SORCS3: variants seen among roughly 807,000 people sequenced by gnomAD.
SORCS3 encodes VPS10 domain-containing receptor SorCS3.
Under a neutral mutation model 146.3 loss-of-function variants are expected in SORCS3, and 57 were observed. The ratio of observed to expected loss-of-function variants is 0.39; its 90% CI spans 0.31 to 0.49. The LOEUF is 0.49. Ranked by LOEUF, SORCS3 falls within the 20% of genes least tolerant of loss-of-function variation. The pLI, the probability that SORCS3 is intolerant of heterozygous loss-of-function variation, is 0.92. For synonymous variants in SORCS3, 653 were observed against 618.5 expected (o/e 1.06, Z -0.83); for missense variants, 1,341 against 1,575.5 (o/e 0.85, Z 2.52).
At chr10:104,821,776 A>T (rs1291057847) in intron 1 of SORCS3, among the ~76,000 whole-genome samples, 1 of 152,200 alleles carries the variant, frequency 6.6e-6, no homozygotes, top group Non-Finnish European at 1.5e-5. Context: ...AGTTGGCACA[A>T]TAAGTACCCT....
intron 3 of SORCS3, among the ~76,000 whole-genome samples, chr10:104,942,602 T>C (rs754552688): frequency 6.6e-6 from 1 of 152,180 alleles, no homozygotes; most frequent in Non-Finnish European, 1.5e-5. Context: ...TACAACCAAA[T>C]TGGGTTTATT....
At chr10:104,871,543 G>T (rs1247887495) in intron 2 of SORCS3, among the ~76,000 whole-genome samples, 1 of 152,184 alleles carries the variant, frequency 6.6e-6, no homozygotes, top group Admixed American at 6.5e-5. Flanking sequence ...AATGAGAATT[G>T]GTGGCTGTAT....
intron 2 of SORCS3, among the ~76,000 whole-genome samples, chr10:104,849,856 T>C (rs769361949): frequency 3.3e-5 from 5 of 152,196 alleles, no homozygotes; most frequent in Non-Finnish European, 5.9e-5. Flanking sequence ...CCTAGGCACA[T>C]CATGCCTGGA....
intron 2 of SORCS3, among the ~76,000 whole-genome samples, chr10:104,900,214 T>C (rs1402150492): frequency 6.6e-6 from 1 of 152,226 alleles, no homozygotes; most frequent in East Asian, 1.9e-4. Context: ...ACAGAGATGC[T>C]GGCTCTGCTG....
intron 4 of SORCS3, among the ~76,000 whole-genome samples, chr10:105,008,104 T>C (rs7096572): frequency 0.23 from 35,354 of 151,740 alleles, 4,753 homozygotes; most frequent in African/African-American, 0.36. Flanking sequence ...GCTTGAGTAA[T>C]TCTGGGAAGC....
chr10:105,109,330 T>C (rs936591828), intron 7 of SORCS3, among the ~76,000 whole-genome samples: 13 of 152,172 alleles, frequency 8.5e-5, no homozygotes, highest in Admixed American at 6.5e-4. Flanking sequence ...TATGTGTTTA[T>C]GACCTCTTGT....
rs371026666 is a variant in SORCS3, at chr10:105,031,332, A to AACAC, written c.955-11695_955-11692dup. Among the ~76,000 whole-genome samples the AACAC allele has an allele frequency of 2.4e-3, 269 of 113,556 alleles. 1 individual carries two copies. In the South Asian group the frequency reaches 0.027, roughly 11 times the overall value. 74.5% of individuals were successfully genotyped at this position (113,556 alleles called of 152,430 possible). A position where few individuals can be genotyped will look rare whatever the true frequency, so the allele number is the denominator to read the frequency against. ...CAAACAAACAACACACACACACACA[A>AACAC]ACACACACACACACACACACACACA... On this transcript the variant is annotated intron_variant, in intron 4 of 26. Transcript: ENST00000369701.
At chr10:105,183,052 A>G (rs1177150412) in intron 14 of SORCS3, among the ~76,000 whole-genome samples, 2 of 152,146 alleles carry the variant, frequency 1.3e-5, no homozygotes, top group African/African-American at 4.8e-5. Flanking sequence ...GATGTGATTG[A>G]AGACAGAGTG....
At chr10:104,704,321 C>T (rs1323092088) in intron 1 of SORCS3, among the ~76,000 whole-genome samples, 1 of 152,126 alleles carries the variant, frequency 6.6e-6, no homozygotes, top group African/African-American at 2.4e-5. Context: ...GTGTGCACCA[C>T]CATGCCCAGC....
At position 105,105,416 on chromosome 10, in the gene SORCS3, C is replaced by T. The variant is rs370016006; in HGVS notation, c.1113C>T (p.Cys371=). 4.6e-5 allele frequency: 74 copies of T among 1,613,214 alleles called. No homozygotes were observed. Among genetic ancestry groups the T allele is most frequent in the Non-Finnish European group, 6.1e-5 (72 of 1,179,406 alleles). ...TTDGYAHYLT[C]RIQECAETTR... ...TTTCAGATGCTCACTACCTCACCTGCAGGATCCAGGAATGTGCCGAGACAA... is the reference window on the plus strand; with the variant it reads ...TTTCAGATGCTCACTACCTCACCTGTAGGATCCAGGAATGTGCCGAGACAA... Residue 371 remains cysteine (C), a synonymous_variant, in exon 7 of 27, where the codon TGC becomes TGT. Transcript: ENST00000369701.
intron 13 of SORCS3, among the ~76,000 whole-genome samples, chr10:105,167,568 G>A (rs2056324597): frequency 6.6e-6 from 1 of 152,072 alleles, no homozygotes; most frequent in African/African-American, 2.4e-5. Flanking sequence ...TGGGGTGGGT[G>A]GTAATGAGTG....
At chr10:104,845,503 T>C (rs1032738837) in intron 2 of SORCS3, among the ~76,000 whole-genome samples, 7 of 152,218 alleles carry the variant, frequency 4.6e-5, no homozygotes, top group Admixed American at 1.3e-4. Flanking sequence ...TTAACTGTAA[T>C]TGTTAATGAT....
chr10:104,777,018 G>A (rs928648037), intron 1 of SORCS3, among the ~76,000 whole-genome samples: 2 of 150,454 alleles, frequency 1.3e-5, no homozygotes, highest in African/African-American at 2.5e-5. Flanking sequence ...GTGGTGGGGG[G>A]TGGAGGCTTT....
chr10:104,682,675 A>C (rs1219470207), intron 1 of SORCS3, among the ~76,000 whole-genome samples: 1 of 152,210 alleles, frequency 6.6e-6, no homozygotes, highest in Non-Finnish European at 1.5e-5. Flanking sequence ...GCTGCTGGTC[A>C]AATTGCAGGA....
chr10:104,984,946 T>G (rs2054953676), intron 4 of SORCS3, among the ~76,000 whole-genome samples: 1 of 152,158 alleles, frequency 6.6e-6, no homozygotes, highest in Admixed American at 6.6e-5. Context: ...TTATAATCTT[T>G]TTGCTGCTGG....
At chr10:105,096,207 T>A (rs1313154945) in intron 6 of SORCS3, among the ~76,000 whole-genome samples, 1 of 151,980 alleles carries the variant, frequency 6.6e-6, no homozygotes, top group African/African-American at 2.4e-5. Context: ...AAGTATCTCC[T>A]GGGAAAGGTC....
chr10:104,915,842 T>G lies in SORCS3; in HGVS notation c.705T>G (p.Asp235Glu), dbSNP rs1358163767. Residue 235 changes from aspartate (D) to glutamate (E), a missense_variant, in exon 3 of 27, where the codon GAT (aspartate) becomes GAG (glutamate). Coordinates refer to ENST00000369701, the MANE Select transcript of SORCS3 (RefSeq NM_014978.3). ...TCTCTTTTACCTGCAGGTCGACAGA[T>G]TATGGCACCACCTATGAAAAGCTGA... ...VTESSLWRSTDYGTTYEKLND... is the reference protein window; with the variant it reads ...VTESSLWRSTEYGTTYEKLND... 6.2e-7 allele frequency: 1 copy of G among 1,613,898 alleles called. No homozygotes were observed. Among genetic ancestry groups the G allele is most frequent in the African/African-American group, 1.3e-5 (1 of 74,888 alleles).
chr10:105,069,554 G>A (rs150359714), intron 5 of SORCS3, among the ~76,000 whole-genome samples: 71 of 152,274 alleles, frequency 4.7e-4, no homozygotes, highest in African/African-American at 1.6e-3. Flanking sequence ...CTCTTCCTGA[G>A]TTTAGATCTG....
intron 26 of SORCS3, 40 bp downstream of exon 26, chr10:105,262,531 C>T (rs778898119): frequency 1.2e-5 from 19 of 1,581,130 alleles, no homozygotes; most frequent in Non-Finnish European, 1.6e-5. Context: ...TGTTCTGTGT[C>T]CTCTAAACAC....
Sources: allele counts gnomAD v4.1 joint callset (sites outside exome capture counted in the v4.1 genomes callset), GRCh38; gene constraint gnomAD v4.1.1; transcripts MANE v1.5; gene names NCBI Gene and HGNC (gene_info 2026-07-23, HGNC 2026-07-21).